NRG3: variants seen among roughly 807,000 people sequenced by gnomAD.
NRG3 encodes the protein pro-neuregulin-3, membrane-bound isoform.
Under a neutral mutation model 66.9 loss-of-function variants are expected in NRG3, and 31 were observed. The ratio of observed to expected loss-of-function variants is 0.46; its 90% CI spans 0.35 to 0.63. The LOEUF (loss-of-function observed/expected upper bound fraction) is 0.63, where lower values mean the gene tolerates loss of function less well. Ranked by LOEUF, NRG3 falls within the 20% of genes least tolerant of loss-of-function variation. NRG3 has a pLI of 0.00. For synonymous variants in NRG3, 393 were observed against 359.4 expected, an observed-to-expected ratio of 1.09 and a Z score of -1.06; for missense variants, 910 against 878.9, an observed-to-expected ratio of 1.04 and a Z score of -0.45.
At chr10:81,915,923 A>G (rs1254583217) in intron 1 of NRG3, among the ~76,000 whole-genome samples, 2 of 152,282 alleles carry the variant, frequency 1.3e-5, no homozygotes, top group East Asian at 1.9e-4. Flanking sequence ...GATGAGAGAT[A>G]CATAGAAATA....
At chr10:82,558,196 G>T (rs1190766879) in intron 2 of NRG3, among the ~76,000 whole-genome samples, 3 of 152,196 alleles carry the variant, frequency 2.0e-5, no homozygotes, top group Admixed American at 6.5e-5. Flanking sequence ...TAGAGGATAA[G>T]CTTGTGTTGC....
chr10:82,970,081 C>T (rs1214184365), intron 6 of NRG3, among the ~76,000 whole-genome samples: 1 of 151,504 alleles, frequency 6.6e-6, no homozygotes, highest in Admixed American at 6.6e-5. Context: ...ATTTCCGTTT[C>T]GTTATGGACA....
chr10:82,464,155 T>C (rs936889514), intron 2 of NRG3, among the ~76,000 whole-genome samples: 1 of 152,142 alleles, frequency 6.6e-6, no homozygotes, highest in East Asian at 1.9e-4. Context: ...CTATTGAAGG[T>C]CAGCTAGCTT....
At chr10:81,990,338 A>C (rs950456144) in intron 1 of NRG3, among the ~76,000 whole-genome samples, 2 of 152,202 alleles carry the variant, frequency 1.3e-5, no homozygotes, top group Non-Finnish European at 2.9e-5. Context: ...ATAAATCTAA[A>C]AGATACTTAA....
chr10:82,524,319 A>G (rs1381902562), intron 2 of NRG3, among the ~76,000 whole-genome samples: 1 of 152,022 alleles, frequency 6.6e-6, no homozygotes, highest in African/African-American at 2.4e-5. Flanking sequence ...GGACTACTTA[A>G]AGGGTAATTT....
At position 81,932,840 on chromosome 10, in the gene NRG3, G is replaced by A. The variant is rs867391288; in HGVS notation, c.823+56677G>A. Among the ~76,000 whole-genome samples the A allele has an allele frequency of 5.3e-5, 8 of 152,218 alleles. 1 individual carries two copies. The Middle Eastern group carries it at 0.017, about 326-fold the overall frequency. On this transcript the variant is annotated intron_variant, in intron 1 of 8. Transcript: ENST00000372141. ...TTTGTTCTTTCTGGTCAGGCACGGT[G>A]GCTCATGCCTGTAATCCCAGCACTT...
At chr10:82,579,115 G>T (rs2046204665) in intron 2 of NRG3, among the ~76,000 whole-genome samples, 1 of 151,582 alleles carries the variant, frequency 6.6e-6, no homozygotes, top group East Asian at 1.9e-4. Flanking sequence ...GAGGCAAAAA[G>T]GGTAATTGTA....
intron 2 of NRG3, among the ~76,000 whole-genome samples, chr10:82,724,008 T>TAAAAAAAAAAAAAAAAAA (rs1565242500): frequency 6.9e-6 from 1 of 143,968 alleles, no homozygotes; most frequent in African/African-American, 2.7e-5. Context: ...AAAAAAAATT[T>TAAAAAAAAAAAAAAAAAA]AAAAAATAAA....
At position 82,914,073 on chromosome 10, in the gene NRG3, A is replaced by G. The variant is rs1845598229; in HGVS notation, c.1055-37396A>G. 1.3e-5 allele frequency among the ~76,000 whole-genome samples: 2 copies of G among 151,808 alleles called. 1 individual carries two copies. The highest frequency in any genetic ancestry group is 4.1e-4 in the South Asian group (2 of 4,824). The stretch of plus-strand genomic sequence containing the variant: ...TACTGAGTCCTTCCTTGAGAATGTT[A>G]AATCCACTGATGATCATCAAAGGCA... On this transcript the variant is annotated intron_variant, in intron 4 of 8. Transcript: ENST00000372141.
chr10:82,128,596 A>G (rs1011555912), intron 1 of NRG3, among the ~76,000 whole-genome samples: 3 of 152,082 alleles, frequency 2.0e-5, no homozygotes, highest in African/African-American at 7.2e-5. Context: ...TGCAGAGAAC[A>G]TTAAATATTC....
intron 2 of NRG3, among the ~76,000 whole-genome samples, chr10:82,429,249 A>G (rs2136305845): frequency 6.6e-6 from 1 of 152,172 alleles, no homozygotes; most frequent in South Asian, 2.1e-4. Flanking sequence ...CTTACAAAAC[A>G]AGTATATTTA....
chr10:82,300,148 T>C (rs1236418893), intron 1 of NRG3, among the ~76,000 whole-genome samples: 2 of 152,238 alleles, frequency 1.3e-5, no homozygotes, highest in Non-Finnish European at 2.9e-5. Context: ...TATGAGTTAG[T>C]ATTTGTCTTA....
intron 3 of NRG3, among the ~76,000 whole-genome samples, chr10:82,796,208 C>T (rs2060794570): frequency 6.6e-6 from 1 of 152,084 alleles, no homozygotes; most frequent in African/African-American, 2.4e-5. Context: ...CAATTTTACT[C>T]AGTACTGAAA....
intron 2 of NRG3, among the ~76,000 whole-genome samples, chr10:82,653,960 G>A (rs1369109251): frequency 2.0e-5 from 3 of 152,148 alleles, no homozygotes; most frequent in African/African-American, 4.8e-5. Flanking sequence ...ACTACTGCGG[G>A]TGTCTTTTCT....
chr10:82,531,682 A>G (rs1847284258), intron 2 of NRG3, among the ~76,000 whole-genome samples: 1 of 151,898 alleles, frequency 6.6e-6, no homozygotes, highest in Non-Finnish European at 1.5e-5. Flanking sequence ...GTGAATACAC[A>G]CATACACACA....
intron 1 of NRG3, among the ~76,000 whole-genome samples, chr10:82,344,585 G>A (rs933127074): frequency 7.0e-6 from 1 of 142,610 alleles, no homozygotes; most frequent in African/African-American, 3.0e-5. Context: ...ACCCAGTAAT[G>A]GGATGGCTAG....
intron 2 of NRG3, among the ~76,000 whole-genome samples, chr10:82,450,856 T>A (rs1443144284): frequency 2.0e-5 from 3 of 152,226 alleles, no homozygotes; most frequent in Non-Finnish European, 4.4e-5. Context: ...CTGCCACAAC[T>A]GAAGGCTTTG....
intron 1 of NRG3, among the ~76,000 whole-genome samples, chr10:82,235,325 A>G (rs1389284719): frequency 6.6e-6 from 1 of 152,214 alleles, no homozygotes; most frequent in Non-Finnish European, 1.5e-5. Context: ...TTTACAGGAA[A>G]AGTTTGCCAA....
chr10:82,231,479 GA>G (rs561898395), intron 1 of NRG3, among the ~76,000 whole-genome samples: 15,784 of 146,364 alleles, frequency 0.11, 800 homozygotes, highest in African/African-American at 0.12. Flanking sequence ...GTGAAATATT[GA>G]AAAAAAAAAC....
Sources: allele counts gnomAD v4.1 joint callset (sites outside exome capture counted in the v4.1 genomes callset), GRCh38; gene constraint gnomAD v4.1.1; transcripts MANE v1.5; gene names NCBI Gene and HGNC (gene_info 2026-07-23, HGNC 2026-07-21).